The following PHF21B variants were observed in gnomAD, a reference collection of about 807,000 sequenced individuals.
PHF21B encodes PHD finger protein 4.
PHF21B carries 22 observed loss-of-function variants against 62.2 expected under a neutral mutation model. The ratio of observed to expected loss-of-function variants is 0.35; its 90% CI spans 0.25 to 0.51. The LOEUF is 0.51. Among genes scored for constraint, PHF21B ranks in the 20% least tolerant of loss-of-function variants. The pLI, the probability that PHF21B is intolerant of heterozygous loss-of-function variation, is 0.97. For missense variants in PHF21B, 701 were observed against 707.9 expected (o/e 0.99, Z 0.11); for synonymous variants, 341 against 314.7 (o/e 1.08, Z -0.88).
At chr22:44,957,327 G>A (rs1208340843) in intron 2 of PHF21B, among the ~76,000 whole-genome samples, 1 of 152,160 alleles carries the variant, frequency 6.6e-6, no homozygotes, top group East Asian at 1.9e-4. Context: ...CTGATCCTTT[G>A]CATGAAAAAC....
intron 2 of PHF21B, among the ~76,000 whole-genome samples, chr22:44,999,806 G>A (rs572053531): frequency 6.6e-5 from 10 of 152,104 alleles, no homozygotes; most frequent in African/African-American, 2.4e-4. Flanking sequence ...CAACCTCTCT[G>A]GGCCGAGCCA....
intron 2 of PHF21B, among the ~76,000 whole-genome samples, chr22:44,984,848 A>T (rs1157232683): frequency 6.6e-6 from 1 of 152,204 alleles, no homozygotes; most frequent in East Asian, 1.9e-4. Context: ...GCCCTGCAGA[A>T]GAGGAACGGA....
In PHF21B at chr22:44,885,494, C is replaced by T. The variant is rs1601560736; in HGVS notation, c.1309G>A (p.Gly437Ser). ...TGGTGCTCGTTCTGCAGCTCACTGCCTCGTTGCAGCAGCTTCTGCTTCTCC... is the reference window on the plus strand; with the variant it reads ...TGGTGCTCGTTCTGCAGCTCACTGCTTCGTTGCAGCAGCTTCTGCTTCTCC... ...EEEKQKLLQRGSELQNEHQQL... is the reference protein window; with the variant it reads ...EEEKQKLLQRSSELQNEHQQL... The change falls in exon 12 of 13, where the codon GGC becomes AGC. Residue 437 changes from glycine to serine, a missense_variant. Physicochemically the swap from Gly to Ser is moderately conservative, Grantham distance 56. Transcript: ENST00000313237. 1.3e-6 allele frequency: 2 copies of T among 1,599,274 alleles called. No individual in the cohort carries two copies. Among genetic ancestry groups the T allele is most frequent in the East Asian group, 2.2e-5 (1 of 44,460 alleles).
intron 2 of PHF21B, among the ~76,000 whole-genome samples, chr22:44,958,815 G>C (rs1845797193): frequency 6.6e-6 from 1 of 151,786 alleles, no homozygotes; most frequent in African/African-American, 2.4e-5. Context: ...CAGGGTTTTT[G>C]TATTTTGTAG....
intron 2 of PHF21B, among the ~76,000 whole-genome samples, chr22:44,944,713 G>A (rs528400768): frequency 2.4e-4 from 36 of 152,302 alleles, no homozygotes; most frequent in Non-Finnish European, 4.7e-4. Flanking sequence ...TGTCTGATTC[G>A]AGAACATCCC....
chr22:44,909,766 C>T (rs1440927135), intron 5 of PHF21B, among the ~76,000 whole-genome samples: 4 of 152,182 alleles, frequency 2.6e-5, no homozygotes, highest in African/African-American at 9.6e-5. Context: ...GGTGAGCTAC[C>T]CCTCTGCCTC....
chr22:44,897,861 T>C (rs912782741), intron 5 of PHF21B, among the ~76,000 whole-genome samples: 1 of 150,398 alleles, frequency 6.6e-6, no homozygotes, highest in African/African-American at 2.5e-5. Context: ...CAGGCTGGAG[T>C]ACAGTGGCAC....
chr22:44,977,396 C>G (rs1376233597), intron 2 of PHF21B, among the ~76,000 whole-genome samples: 1 of 152,058 alleles, frequency 6.6e-6, no homozygotes, highest in African/African-American at 2.4e-5. Flanking sequence ...GAAACCCCAT[C>G]TTTACTAAAA....
At chr22:44,967,117 T>A (rs1477761074) in intron 2 of PHF21B, 2 of 151,548 alleles carry the variant, frequency 1.3e-5, no homozygotes, top group Non-Finnish European at 2.9e-5. Context: ...TCCCCTGAGG[T>A]GGGGGCTGGA....
intron 2 of PHF21B, among the ~76,000 whole-genome samples, chr22:44,947,267 C>T (rs2072093011): frequency 6.6e-6 from 1 of 152,150 alleles, no homozygotes; most frequent in Non-Finnish European, 1.5e-5. Context: ...TTCTGAGCAC[C>T]TACTCGGCAC....
chr22:44,999,818 T>G (rs2073182542), intron 2 of PHF21B, among the ~76,000 whole-genome samples: 1 of 151,868 alleles, frequency 6.6e-6, no homozygotes, highest in Non-Finnish European at 1.5e-5. Context: ...GCCGAGCCAG[T>G]CCACAGAGAG....
At chr22:44,992,007 G>T (rs1346080604) in intron 2 of PHF21B, among the ~76,000 whole-genome samples, 2 of 152,212 alleles carry the variant, frequency 1.3e-5, no homozygotes, top group Non-Finnish European at 2.9e-5. Context: ...CCGGACGTTG[G>T]GGGAGCGCAC....
chr22:44,933,665 G>T, intron 2 of PHF21B: 5 of 247,156 alleles, frequency 2.0e-5, no homozygotes, highest in Non-Finnish European at 3.2e-5. Context: ...TCCATGCCTA[G>T]TTCATCTCCA....
intron 2 of PHF21B, among the ~76,000 whole-genome samples, chr22:44,997,401 CCTT>C (rs1186040836): frequency 6.6e-6 from 1 of 152,174 alleles, no homozygotes; most frequent in Non-Finnish European, 1.5e-5. Flanking sequence ...CTTGGGGGGA[CCTT>C]CTTGCAATGG....
At chr22:44,896,298 G>A (rs12330062) in intron 5 of PHF21B, among the ~76,000 whole-genome samples, 1,705 of 152,244 alleles carry the variant, frequency 0.011, 23 homozygotes, top group Non-Finnish European at 0.016. Context: ...GGGCCTCCTT[G>A]AAAACACTGG....
chr22:44,951,339 C>T (rs2072190494), intron 2 of PHF21B, among the ~76,000 whole-genome samples: 2 of 152,242 alleles, frequency 1.3e-5, no homozygotes, highest in African/African-American at 2.4e-5. Flanking sequence ...CTATGAAAAT[C>T]GAATGCTGCT....
chr22:44,986,127 A>T (rs887942234), intron 2 of PHF21B, among the ~76,000 whole-genome samples: 12 of 150,998 alleles, frequency 7.9e-5, no homozygotes, highest in Non-Finnish European at 1.8e-4. Flanking sequence ...GACAACCATC[A>T]CCAGCAGCAG....
intron 12 of PHF21B, among the ~76,000 whole-genome samples, chr22:44,884,041 G>C (rs1396853034): frequency 3.0e-5 from 2 of 67,062 alleles, no homozygotes; most frequent in Non-Finnish European, 5.2e-5. Context: ...ACTGTGATCA[G>C]CACCACCACC....
chr22:44,905,700 C>G (rs1048850643), intron 5 of PHF21B, among the ~76,000 whole-genome samples: 18 of 152,126 alleles, frequency 1.2e-4, no homozygotes, highest in African/African-American at 3.9e-4. Context: ...ACCATCTCAG[C>G]TCACTGCAAG....
Sources: allele counts gnomAD v4.1 joint callset (sites outside exome capture counted in the v4.1 genomes callset), GRCh38; gene constraint gnomAD v4.1.1; transcripts MANE v1.5; gene names NCBI Gene and HGNC (gene_info 2026-07-23, HGNC 2026-07-21).